Variants in HHLA1 observed in about 807,000 individuals in gnomAD.
The protein encoded by HHLA1 is HERV-H LTR-associating protein 1.
Under a neutral mutation model 69.9 loss-of-function variants are expected in HHLA1, and 72 were observed. The ratio of observed to expected loss-of-function variants is 1.03; its 90% CI spans 0.85 to 1.25. The LOEUF (loss-of-function observed/expected upper bound fraction) is 1.25, where lower values mean the gene tolerates loss of function less well. Ranked by LOEUF, HHLA1 falls within the 50% of genes most tolerant of loss-of-function variation. HHLA1 has a pLI of 0.00. For missense variants in HHLA1, 685 were observed against 642.2 expected, an observed-to-expected ratio of 1.07 and a Z score of -0.72; for synonymous variants, 252 against 233.2, an observed-to-expected ratio of 1.08 and a Z score of -0.73.
At position 132,108,641 on chromosome 8, in the gene HHLA1, G is replaced by A. The variant is rs114765876; in HGVS notation, c.-22+2461C>T. Among the ~76,000 whole-genome samples, 352 of 152,148 alleles carry A rather than the reference G, an allele frequency of 2.3e-3. 1 individual carries two copies. Among genetic ancestry groups the A allele is most frequent in the African/African-American group, 8.0e-3 (331 of 41,532 alleles). ...CAAAATATACTATCCCCTAATAAGC[G>A]ACTTTGGGCACATGGATTATTTTGA... On this transcript the variant is annotated intron_variant, in intron 1 of 16. Transcript: ENST00000414222.
At chr8:132,088,269 A>T (rs1823894231) in intron 8 of HHLA1, among the ~76,000 whole-genome samples, 1 of 152,228 alleles carries the variant, frequency 6.6e-6, no homozygotes, top group African/African-American at 2.4e-5. Flanking sequence ...AAATGCCCAC[A>T]TCTCTGTAAG....
At chr8:132,096,512 AT>A (rs146350920) in intron 5 of HHLA1, among the ~76,000 whole-genome samples, 22 of 151,892 alleles carry the variant, frequency 1.4e-4, no homozygotes, top group African/African-American at 4.8e-4. Context: ...AAGAAAGGGG[AT>A]TTTTTTTTAA....
In HHLA1 at chr8:132,101,074, G is replaced by A. The variant is rs528276694; in HGVS notation, c.140-940C>T. ...GGTACAAAAAAAGCTAGTATCACAT[G>A]TAACATGAAAAATGACCATTGCAAC... On this transcript the variant is annotated intron_variant, in intron 3 of 16. Transcript: ENST00000414222. The A allele has an allele frequency of 3.1e-6, 4 of 1,291,334 alleles. No individual in the cohort carries two copies. The East Asian group carries it at 1.1e-4, about 36-fold the overall frequency. The allele number at this position is 1,291,334 out of a possible 1,614,324, so 80.0% of individuals were successfully genotyped here.
At chr8:132,093,462 TCTAA>T (rs1823975047) in intron 7 of HHLA1, among the ~76,000 whole-genome samples, 1 of 152,104 alleles carries the variant, frequency 6.6e-6, no homozygotes, top group Non-Finnish European at 1.5e-5. Context: ...ATGATCCAGA[TCTAA>T]AGATCATCCA....
rs1307504536 is a variant in HHLA1, at chr8:132,065,932, A to G, written c.1506T>C (p.Asn502=). The G allele has an allele frequency of 1.0e-5, 13 of 1,302,794 alleles. No homozygotes were observed. The highest frequency in any genetic ancestry group is 1.3e-5 in the Non-Finnish European group (13 of 986,520). 80.7% of individuals were successfully genotyped at this position (1,302,794 alleles called of 1,614,324 possible). Residue 502 remains asparagine (N), a synonymous_variant, in exon 16 of 17, where the codon AAT becomes AAC. Coordinates refer to ENST00000414222, the MANE Select transcript of HHLA1 (RefSeq NM_001145095.3). The part of the protein sequence containing the change: ...CLEYYSWFLK[N]ATYICQRVKR... ...TCACCCTCTGACAGATATATGTTGCATTCTTCAGAAACCAGGAATAGTATT... is the reference window on the plus strand; with the variant it reads ...TCACCCTCTGACAGATATATGTTGCGTTCTTCAGAAACCAGGAATAGTATT...
intron 7 of HHLA1, among the ~76,000 whole-genome samples, chr8:132,093,719 G>T (rs1218581622): frequency 6.6e-6 from 1 of 152,144 alleles, no homozygotes; most frequent in African/African-American, 2.4e-5. Context: ...TCTCCAGGCA[G>T]ATTTAACTTT....
rs1823354259 is a variant in HHLA1, at chr8:132,061,641, G to T, written c.*2354C>A. ...AATTAGTAGGAGTTCCAGATCAGTA[G>T]CACCCCCTGAGGCTTTCTTATTGCC... On this transcript the variant is annotated 3_prime_UTR_variant, in exon 17 of 17. Coordinates refer to ENST00000414222, the MANE Select transcript of HHLA1 (RefSeq NM_001145095.3). The T allele has an allele frequency of 6.6e-6, 1 of 152,170 alleles. No homozygotes were observed. The highest frequency in any genetic ancestry group is 6.5e-5 in the Admixed American group (1 of 15,270). The allele number at this position is 152,170 out of a possible 1,614,324, so 9.4% of individuals were successfully genotyped here.
rs1563737515 is a variant in HHLA1 at position 132,061,671 on chromosome 8, CTA to C, written c.*2322_*2323del. 6.6e-6 allele frequency: 1 copy of C among 152,154 alleles called. No individual in the cohort carries two copies. Among genetic ancestry groups the C allele is most frequent in the Middle Eastern group, 3.2e-3 (1 of 316 alleles). The allele number at this position is 152,154 out of a possible 1,614,324, so 9.4% of individuals were successfully genotyped here. A position where few individuals can be genotyped will look rare whatever the true frequency, so the allele number is the denominator to read the frequency against. On this transcript the variant is annotated 3_prime_UTR_variant, in exon 17 of 17. Transcript: ENST00000414222. ...CCCTGAGGCTTTCTTATTGCCCTAG[CTA>C]TCCCCTAAATCAGGACACATTCAGC...
chr8:132,065,476 G>A (rs1045977247), intron 16 of HHLA1, among the ~76,000 whole-genome samples: 17 of 152,288 alleles, frequency 1.1e-4, no homozygotes, highest in African/African-American at 4.1e-4. Flanking sequence ...TAGAGACGGG[G>A]TTTCACCATG....
chr8:132,071,632 C>G, intron 14 of HHLA1, 139 bp from the exon 15 acceptor site: 1 of 726,372 alleles, frequency 1.4e-6, no homozygotes. Flanking sequence ...CATAGCATTC[C>G]TCACCATTAC....
chr8:132,065,223 T>A (rs1226599964), intron 16 of HHLA1, among the ~76,000 whole-genome samples: 1 of 152,202 alleles, frequency 6.6e-6, no homozygotes. Context: ...TTCTAGTACT[T>A]CACGGTGCCT....
chr8:132,082,280 T>C (rs1194382819), intron 10 of HHLA1, among the ~76,000 whole-genome samples: 2 of 152,194 alleles, frequency 1.3e-5, no homozygotes, highest in Non-Finnish European at 2.9e-5. Flanking sequence ...GTTTGTGATT[T>C]TGAGGGCCTC....
Position 132,079,711 on chromosome 8 carries a change from A to G in HHLA1, c.925+7T>C, listed in dbSNP as rs1823707187. On this transcript the variant is annotated splice_region_variant and intron_variant, in intron 11 of 16. Transcript: ENST00000414222. ...AAAGGGGAGGAAAGGGTGAGAATGC[A>G]TCTTACCCAAGGCTGGGAGAGTGTG... The G allele has an allele frequency of 1.9e-6, 3 of 1,541,458 alleles. No homozygotes were observed. Among genetic ancestry groups the G allele is most frequent in the East Asian group, 2.4e-5 (1 of 40,858 alleles).
chr8:132,079,701 G>A lies in HHLA1; in HGVS notation c.925+17C>T. 6.5e-7 allele frequency: 1 copy of A among 1,533,304 alleles called. No individual in the cohort carries two copies. Among genetic ancestry groups the A allele is most frequent in the Non-Finnish European group, 8.8e-7 (1 of 1,138,706 alleles). The allele number at this position is 1,533,304 out of a possible 1,614,324, so 95.0% of individuals were successfully genotyped here. ...GAGACATAGCAAAGGGGAGGAAAGG[G>A]TGAGAATGCATCTTACCCAAGGCTG... On this transcript the variant is annotated intron_variant, in intron 11 of 16. Transcript: ENST00000414222.
At chr8:132,069,871 G>A (rs547236352) in intron 15 of HHLA1, 1 of 153,414 alleles carries the variant, frequency 6.5e-6, no homozygotes, top group East Asian at 1.9e-4. Flanking sequence ...AAGTTAATGA[G>A]TAAAGGATCT....
chr8:132,070,011 C>CGGTG (rs1823503873), intron 15 of HHLA1: 1 of 24,160 alleles, frequency 4.1e-5, no homozygotes, highest in African/African-American at 1.6e-4. Context: ...TTCGTACTGA[C>CGGTG]GGGGGGGGGG....
chr8:132,109,893 C>T (rs1586738376), intron 1 of HHLA1, among the ~76,000 whole-genome samples: 1 of 152,126 alleles, frequency 6.6e-6, no homozygotes, highest in Non-Finnish European at 1.5e-5. Context: ...GGGAGAAGGG[C>T]TGAGAAGTGT....
At chr8:132,070,423 C>A (rs1823513528) in intron 15 of HHLA1, 5 of 700,568 alleles carry the variant, frequency 7.1e-6, no homozygotes, top group South Asian at 1.5e-5. Context: ...TCTCTCCTAG[C>A]AAATCTCGCC....
chr8:132,101,399 G>GATTTGATGTACCTAA lies in HHLA1; in HGVS notation c.140-1280_140-1266dup, dbSNP rs1296097146. ...TGGATAAACTGAAATCCCCAAACTT[G>GATTTGATGTACCTAA]ATTTGATGTACCTAAATTTGATGTA... On this transcript the variant is annotated intron_variant, in intron 3 of 16. Coordinates refer to ENST00000414222, the MANE Select transcript of HHLA1 (RefSeq NM_001145095.3). 8 of 1,284,354 alleles carry GATTTGATGTACCTAA rather than the reference G, an allele frequency of 6.2e-6. No homozygotes were observed. The African/African-American group carries it at 7.6e-5, about 12-fold the overall frequency. The allele number at this position is 1,284,354 out of a possible 1,614,324, so 79.6% of individuals were successfully genotyped here. A position where few individuals can be genotyped will look rare whatever the true frequency, so the allele number is the denominator to read the frequency against.
Sources: gnomAD v4.1 joint callset for allele counts (sites outside exome capture counted in the v4.1 genomes callset) on GRCh38, gnomAD v4.1.1 for gene constraint, MANE v1.5 for transcripts, NCBI Gene and HGNC (gene_info 2026-07-23, HGNC 2026-07-21) for gene names.